Variants in SHISA9 observed in about 807,000 individuals in gnomAD.
SHISA9 encodes the protein protein shisa-9.
SHISA9 carries 13 observed loss-of-function variants against 38.0 expected under a neutral mutation model. That is an observed-to-expected ratio of 0.34 (90% CI 0.22 to 0.54). The LOEUF (loss-of-function observed/expected upper bound fraction) is 0.54. Among genes scored for constraint, SHISA9 ranks in the 20% least tolerant of loss-of-function variants. The probability of loss-of-function intolerance (pLI) is 0.91; values close to 1 mark genes in which losing one functional copy is unlikely to be tolerated. For missense variants in SHISA9, 538 were observed against 575.8 expected (o/e 0.93, Z 0.67); for synonymous variants, 275 against 242.0 (o/e 1.14, Z -1.27).
At chr16:13,476,080 C>G in the SHISA9 span, among the ~76,000 whole-genome samples, 2 of 152,132 alleles carry the variant, frequency 1.3e-5, no homozygotes, top group African/African-American at 4.8e-5. Flanking sequence ...TGGGGGAGAC[C>G]CCTGCCATTG....
intron 2 of SHISA9, among the ~76,000 whole-genome samples, chr16:13,045,371 C>T (rs985679587): frequency 2.6e-5 from 4 of 152,146 alleles, no homozygotes; most frequent in African/African-American, 7.2e-5. Context: ...GATTCGAGTG[C>T]AGGAATTCTG....
chr16:13,289,259 A>T, the SHISA9 span, among the ~76,000 whole-genome samples: 3 of 149,572 alleles, frequency 2.0e-5, no homozygotes, highest in Non-Finnish European at 3.0e-5. Context: ...CTGGCTAAAA[A>T]GGTGGGCAGA....
chr16:12,962,544 CCT>C lies in SHISA9; in HGVS notation c.691+45730_691+45731del, dbSNP rs202239361. ...GAGCTCCCATGAGGGAATTAGTGCC[CCT>C]ATAAGAAGAAAGAGAAAGAGCAGAG... On this transcript the variant is annotated intron_variant, in intron 2 of 4. Transcript: ENST00000558583. 1.0e-2 allele frequency among the ~76,000 whole-genome samples: 1,515 copies of C among 152,222 alleles called. 6 individuals carry two copies. The highest frequency in any genetic ancestry group is 0.028 in the East Asian group (147 of 5,170).
chr16:13,210,300 C>T (rs1447616596), intron 3 of SHISA9, among the ~76,000 whole-genome samples: 1 of 152,158 alleles, frequency 6.6e-6, no homozygotes, highest in African/African-American at 2.4e-5. Context: ...GATTATTGAA[C>T]TCCTAAGTGA....
chr16:13,026,678 T>C (rs1392565234), intron 2 of SHISA9, among the ~76,000 whole-genome samples: 2 of 152,230 alleles, frequency 1.3e-5, no homozygotes, highest in Non-Finnish European at 2.9e-5. Flanking sequence ...CACCCTTTTA[T>C]ATTCACTGTG....
At chr16:13,493,805 A>G in the SHISA9 span, among the ~76,000 whole-genome samples, 3 of 152,202 alleles carry the variant, frequency 2.0e-5, no homozygotes, top group Admixed American at 6.5e-5. Context: ...TGCCTGGCAT[A>G]TTATAGAAGG....
intron 2 of SHISA9, among the ~76,000 whole-genome samples, chr16:13,186,022 T>A (rs55685188): frequency 1.3e-5 from 2 of 152,160 alleles, no homozygotes; most frequent in Non-Finnish European, 2.9e-5. Context: ...TACCTTGAAC[T>A]CCATGGTAGC....
At chr16:13,108,129 C>G (rs1049767433) in intron 2 of SHISA9, among the ~76,000 whole-genome samples, 31 of 151,618 alleles carry the variant, frequency 2.0e-4, no homozygotes, top group African/African-American at 7.5e-4. Context: ...AGCCCCCCTC[C>G]GGCCCCACCC....
intron 2 of SHISA9, among the ~76,000 whole-genome samples, chr16:12,951,244 A>G (rs1284553676): frequency 6.9e-6 from 1 of 144,172 alleles, no homozygotes; most frequent in Non-Finnish European, 1.5e-5. Context: ...AAAAAAAAAA[A>G]AAAAAGGCAA....
At chr16:13,280,117 C>CTTTTTT in the SHISA9 span, among the ~76,000 whole-genome samples, 393 of 102,666 alleles carry the variant, frequency 3.8e-3, no homozygotes, top group Non-Finnish European at 4.5e-3. Context: ...CTCTCTTTCT[C>CTTTTTT]TTTTTTTTTT....
At chr16:12,998,034 T>C (rs1451610235) in intron 2 of SHISA9, among the ~76,000 whole-genome samples, 1 of 152,224 alleles carries the variant, frequency 6.6e-6, no homozygotes, top group Non-Finnish European at 1.5e-5. Flanking sequence ...ACTGGGTCCG[T>C]ATTTTATTCA....
chr16:13,200,858 C>T (rs2051000253), intron 2 of SHISA9, among the ~76,000 whole-genome samples: 2 of 135,536 alleles, frequency 1.5e-5, no homozygotes, highest in South Asian at 2.3e-4. Flanking sequence ...TCCCTAACCT[C>T]ATGCCTCAGC....
intron 2 of SHISA9, among the ~76,000 whole-genome samples, chr16:13,022,748 C>T (rs943275929): frequency 6.6e-6 from 1 of 152,022 alleles, no homozygotes; most frequent in Non-Finnish European, 1.5e-5. Flanking sequence ...CCTACAGGTG[C>T]ACACCACCAC....
chr16:13,363,850 A>G, the SHISA9 span, among the ~76,000 whole-genome samples: 1 of 152,216 alleles, frequency 6.6e-6, no homozygotes, highest in Non-Finnish European at 1.5e-5. Context: ...CTAGGGAAGA[A>G]GTAGTCGAAG....
At chr16:12,932,809 G>A (rs1041935848) in intron 2 of SHISA9, among the ~76,000 whole-genome samples, 9 of 152,192 alleles carry the variant, frequency 5.9e-5, no homozygotes, top group African/African-American at 1.9e-4. Context: ...GACATGTCGT[G>A]GCTCCCTGCA....
chr16:13,111,560 G>A (rs539570032), intron 2 of SHISA9, among the ~76,000 whole-genome samples: 5 of 152,112 alleles, frequency 3.3e-5, no homozygotes, highest in Non-Finnish European at 5.9e-5. Context: ...AAGACACTTA[G>A]CATATTGGTG....
Position 13,213,320 on chromosome 16 carries a change from A to C in SHISA9, c.895+20A>C. 1.3e-6 allele frequency: 2 copies of C among 1,550,762 alleles called. No individual in the cohort carries two copies. Among genetic ancestry groups the C allele is most frequent in the Admixed American group, 2.0e-5 (1 of 51,000 alleles). On this transcript the variant is annotated intron_variant, in intron 4 of 4. Transcript: ENST00000558583. The stretch of plus-strand genomic sequence containing the variant: ...CAAAAGGTACTGTACAGCTTTTTCT[A>C]GCTCTTTTGTCCAGGTGTTGTCAAA...
At chr16:12,977,738 G>T (rs2072183729) in intron 2 of SHISA9, among the ~76,000 whole-genome samples, 3 of 152,018 alleles carry the variant, frequency 2.0e-5, no homozygotes, top group Non-Finnish European at 4.4e-5. Context: ...AACACCGCAT[G>T]GTCTCACTTA....
At chr16:13,104,653 T>C (rs2141960373) in intron 2 of SHISA9, among the ~76,000 whole-genome samples, 1 of 152,242 alleles carries the variant, frequency 6.6e-6, no homozygotes, top group East Asian at 1.9e-4. Flanking sequence ...GGCAAATCTA[T>C]TGGGAAAGAA....
Sources: gnomAD v4.1 joint callset for allele counts (sites outside exome capture counted in the v4.1 genomes callset) on GRCh38, gnomAD v4.1.1 for gene constraint, MANE v1.5 for transcripts, NCBI Gene and HGNC (gene_info 2026-07-23, HGNC 2026-07-21) for gene names.